Variants in DLG4 observed in about 807,000 individuals in gnomAD.
The protein encoded by DLG4 is discs large MAGUK scaffold protein 4.
In DLG4, 7 loss-of-function variants were observed where a neutral mutation model predicts 93.8. That is an observed-to-expected ratio of 0.07 (90% CI 0.04 to 0.14). DLG4 has a LOEUF of 0.14. Among genes scored for constraint, DLG4 ranks in the 10% least tolerant of loss-of-function variants. DLG4 has a pLI of 1.00. For missense variants in DLG4, 545 were observed against 992.9 expected (o/e 0.55, Z 6.06); for synonymous variants, 341 against 387.6 (o/e 0.88, Z 1.41).
chr17:7,188,482 C>T lies in DLG4; in HGVS notation c.*2226G>A, dbSNP rs909544536. 1.3e-5 allele frequency among the ~76,000 whole-genome samples: 2 copies of T among 152,080 alleles called. No homozygotes were observed. The highest frequency in any genetic ancestry group is 4.8e-5 in the African/African-American group (2 of 41,394). On this transcript the variant is annotated 3_prime_UTR_variant, in exon 20 of 20. Coordinates refer to ENST00000399506, the MANE Select transcript of DLG4 (RefSeq NM_001321075.3). The stretch of plus-strand genomic sequence containing the variant: ...CTGAGAATCAGAGAAAGGAATAGTA[C>T]CCCAGCAGGTGCCCCCAAAGGTTCA...
upstream of DLG4, chr17:7,218,305 T>C (rs771221064): frequency 1.2e-6 from 2 of 1,602,950 alleles, no homozygotes; most frequent in African/African-American, 1.3e-5. Context: ...AGAACTGAGT[T>C]ACCTCCCCAC....
Position 7,196,165 on chromosome 17 carries a change from C to G in DLG4, c.1301+55G>C. On this transcript the variant is annotated intron_variant, in intron 11 of 19. Transcript: ENST00000399506. The surrounding 1 kb of genome is among the most constrained non-coding windows in gnomAD (Gnocchi z 8.3). ...GAGCGGCTGAGGCCCGGGCCAGGCACAGAGTGCCCAGGAACGCAGAGGGGC... is the reference window on the plus strand; with the variant it reads ...GAGCGGCTGAGGCCCGGGCCAGGCAGAGAGTGCCCAGGAACGCAGAGGGGC... 3 of 1,409,656 alleles carry G rather than the reference C, an allele frequency of 2.1e-6. No homozygotes were observed. Among genetic ancestry groups the G allele is most frequent in the African/African-American group, 1.4e-5 (1 of 70,580 alleles). The allele number at this position is 1,409,656 out of a possible 1,614,324, so 87.3% of individuals were successfully genotyped here. A position where few individuals can be genotyped will look rare whatever the true frequency, so the allele number is the denominator to read the frequency against.
At position 7,198,908 on chromosome 17, in the gene DLG4, C is replaced by T. The variant is rs900006716; in HGVS notation, c.788-1856G>A. On this transcript the variant is annotated intron_variant, in intron 8 of 19. Transcript: ENST00000399506. ...GCACTCGCCTGTAATCCCAGCTACTCGGGAGGCTGAGGTGGGAGGATCGCT... is the reference window on the plus strand; with the variant it reads ...GCACTCGCCTGTAATCCCAGCTACTTGGGAGGCTGAGGTGGGAGGATCGCT... Among the ~76,000 whole-genome samples, 7 of 151,514 alleles carry T rather than the reference C, an allele frequency of 4.6e-5. No individual in the cohort carries two copies. In the South Asian group the frequency reaches 6.3e-4, roughly 14 times the overall value.
At position 7,203,155 on chromosome 17, in the gene DLG4, A is replaced by G. The variant is rs2070243942; in HGVS notation, c.642+38T>C. On this transcript the variant is annotated intron_variant, in intron 7 of 19. Transcript: ENST00000399506. This position sits in a 1 kb window ranked among gnomAD's most constrained non-coding sequence, Gnocchi z 7.2. ...CTGCCAGGGCTAGTAGGTGAGACCC[A>G]AATCTGGGCTAGAAAATGGGCTAGA... 1 of 1,572,302 alleles carries G rather than the reference A, an allele frequency of 6.4e-7. No individual in the cohort carries two copies. Among genetic ancestry groups the G allele is most frequent in the Non-Finnish European group, 8.7e-7 (1 of 1,151,112 alleles).
upstream of DLG4, chr17:7,219,750 G>A (rs1412170487): frequency 3.4e-6 from 5 of 1,455,720 alleles, no homozygotes; most frequent in African/African-American, 7.1e-5. Flanking sequence ...GGTCGGACGG[G>A]CGGGATTAAG....
chr17:7,191,449 A>C lies in DLG4; in HGVS notation c.1977-91T>G. On this transcript the variant is annotated intron_variant, in intron 18 of 19. Transcript: ENST00000399506. The surrounding 1 kb of genome is among the most constrained non-coding windows in gnomAD (Gnocchi z 6.6). Reference sequence around the variant, plus strand: ...ATCCAGGAATGTTAAGTATTCTTCTATTTGGAGCACATAGCAAAAAAAAAA... The same window carrying C: ...ATCCAGGAATGTTAAGTATTCTTCTCTTTGGAGCACATAGCAAAAAAAAAA... 1 of 1,023,598 alleles carries C rather than the reference A, an allele frequency of 9.8e-7. No homozygotes were observed. 63.4% of individuals were successfully genotyped at this position (1,023,598 alleles called of 1,614,324 possible). A position where few individuals can be genotyped will look rare whatever the true frequency, so the allele number is the denominator to read the frequency against.
At chr17:7,213,465 C>A (rs925782871) in intron 1 of DLG4, among the ~76,000 whole-genome samples, 5 of 152,072 alleles carry the variant, frequency 3.3e-5, no homozygotes, top group Non-Finnish European at 1.5e-5. Context: ...CCCAGAACAT[C>A]CCCTCCACGA....
upstream of DLG4, chr17:7,219,104 A>G: frequency 5.3e-6 from 3 of 562,878 alleles, no homozygotes; most frequent in Non-Finnish European, 3.1e-6. Context: ...AGAGGGCTCC[A>G]GCAGCTCAAA....
Position 7,190,638 on chromosome 17 carries a change from G to A in DLG4, c.*70C>T. On this transcript the variant is annotated 3_prime_UTR_variant, in exon 20 of 20. Coordinates refer to ENST00000399506, the MANE Select transcript of DLG4 (RefSeq NM_001321075.3). ...GAGGCCGGGGGGAGCCAAGGGCTTG[G>A]GCAATTCAGTCCAGACCAAGGGCCC... is the stretch of plus-strand genomic sequence containing the variant. 2 of 1,280,440 alleles carry A rather than the reference G, an allele frequency of 1.6e-6. No homozygotes were observed. Among genetic ancestry groups the A allele is most frequent in the Admixed American group, 3.4e-5 (2 of 59,230 alleles). 79.3% of individuals were successfully genotyped at this position (1,280,440 alleles called of 1,614,324 possible).
At chr17:7,219,670 T>G (rs2071088389), upstream of DLG4, 1 of 1,315,178 alleles carries the variant, frequency 7.6e-7, no homozygotes, top group Non-Finnish European at 9.8e-7. Context: ...TCCCTCTGGC[T>G]GCAGTGACTT....
rs1488090437 is a variant in DLG4 at position 7,190,429 on chromosome 17, G to T, written c.*279C>A. Reference sequence around the variant, plus strand: ...CGGTGGGTCTGTGTGTGCATTGGGGGCAGGTGGGGGCGGGGATCCTAAGGA... The same window carrying T: ...CGGTGGGTCTGTGTGTGCATTGGGGTCAGGTGGGGGCGGGGATCCTAAGGA... On this transcript the variant is annotated 3_prime_UTR_variant, in exon 20 of 20. Coordinates refer to ENST00000399506, the MANE Select transcript of DLG4 (RefSeq NM_001321075.3). The T allele has an allele frequency of 4.5e-6, 2 of 447,148 alleles. No homozygotes were observed. The highest frequency in any genetic ancestry group is 3.4e-5 in the Admixed American group (1 of 29,538). 27.7% of individuals were successfully genotyped at this position (447,148 alleles called of 1,614,324 possible). A position where few individuals can be genotyped will look rare whatever the true frequency, so the allele number is the denominator to read the frequency against.
chr17:7,219,283 G>A, upstream of DLG4: 1 of 592,640 alleles, frequency 1.7e-6, no homozygotes, highest in East Asian at 1.1e-4. Flanking sequence ...GGCCCGGGAG[G>A]AATCCATCTG....
In DLG4 at chr17:7,217,280, G is replaced by A; in HGVS notation, c.-133C>T. ...CAGGGGGGGCCAGGATGGGGGGAGGGGTGAGAGGGGAAGGAGGGGGTTGGA... is the reference window on the plus strand; with the variant it reads ...CAGGGGGGGCCAGGATGGGGGGAGGAGTGAGAGGGGAAGGAGGGGGTTGGA... On this transcript the variant is annotated 5_prime_UTR_variant, in exon 1 of 20. Coordinates refer to ENST00000399506, the MANE Select transcript of DLG4 (RefSeq NM_001321075.3). 8.4e-7 allele frequency: 1 copy of A among 1,184,056 alleles called. No homozygotes were observed. Among genetic ancestry groups the A allele is most frequent in the Non-Finnish European group, 1.1e-6 (1 of 929,942 alleles). The allele number at this position is 1,184,056 out of a possible 1,614,324, so 73.3% of individuals were successfully genotyped here. A position where few individuals can be genotyped will look rare whatever the true frequency, so the allele number is the denominator to read the frequency against.
rs1019780370 is a variant in DLG4 at position 7,189,429 on chromosome 17, C to T, written c.*1279G>A. 6.6e-6 allele frequency among the ~76,000 whole-genome samples: 1 copy of T among 151,326 alleles called. No individual in the cohort carries two copies. The highest frequency in any genetic ancestry group is 1.9e-4 in the East Asian group (1 of 5,152). On this transcript the variant is annotated 3_prime_UTR_variant, in exon 20 of 20. Coordinates refer to ENST00000399506, the MANE Select transcript of DLG4 (RefSeq NM_001321075.3). ...ACTTGAACCAGGGTGGCAGAGATCA[C>T]AGTGAGCCGAGATCGAGCCACTGCA...
rs1207013414 is a variant in DLG4 at position 7,209,095 on chromosome 17, T to C, written c.31-856A>G. On this transcript the variant is annotated intron_variant, in intron 1 of 19. Coordinates refer to ENST00000399506, the MANE Select transcript of DLG4 (RefSeq NM_001321075.3). ...CAAGAATGGGTGCCAGCCTCCCTGG[T>C]TGGGGAGGAGGGTAGCATGCTGAGC... Among the ~76,000 whole-genome samples the C allele has an allele frequency of 8.6e-5, 13 of 152,004 alleles. No homozygotes were observed. In the Middle Eastern group the frequency reaches 0.01, roughly 119 times the overall value.
In DLG4 at chr17:7,202,731, T is replaced by C. The variant is rs2070210919; in HGVS notation, c.787+172A>G. 5 of 863,020 alleles carry C rather than the reference T, an allele frequency of 5.8e-6. 1 individual carries two copies. The highest frequency in any genetic ancestry group is 5.8e-5 in the Admixed American group (2 of 34,222). 53.5% of individuals were successfully genotyped at this position (863,020 alleles called of 1,614,324 possible). On this transcript the variant is annotated intron_variant, in intron 8 of 19. Coordinates refer to ENST00000399506, the MANE Select transcript of DLG4 (RefSeq NM_001321075.3). ...GATCGTTGACGATCTTTTCTAGTTC[T>C]TTTATGGTAATTGATTTTCCATCTC...
At chr17:7,204,414 C>T in intron 2 of DLG4, 162 bp from the exon 3 acceptor site, 1 of 645,718 alleles carries the variant, frequency 1.5e-6, no homozygotes, top group South Asian at 2.0e-5. Flanking sequence ...CCACATCACA[C>T]ACACGCACAC....
rs779715237 is a variant in DLG4, at chr17:7,203,310, T to G, written c.525A>C (p.Ala175=). ...KGPKGLGFSI[A]GGVGNQHIPG... ...GGATGTGCTGGTTCCCTACGCCCCC[T>G]GCGATGCTGAAGCCAAGACCTGGAT... The change falls in exon 7 of 20, where the codon GCA becomes GCC. Residue 175 remains alanine (A), a synonymous_variant. Coordinates refer to ENST00000399506, the MANE Select transcript of DLG4 (RefSeq NM_001321075.3). This position sits in a 1 kb window ranked among gnomAD's most constrained non-coding sequence, Gnocchi z 7.2. 4 of 1,603,944 alleles carry G rather than the reference T, an allele frequency of 2.5e-6. No homozygotes were observed. Among genetic ancestry groups the G allele is most frequent in the Non-Finnish European group, 8.5e-7 (1 of 1,171,906 alleles).
chr17:7,194,202 C>G lies in DLG4; in HGVS notation c.1478+117G>C. On this transcript the variant is annotated intron_variant, in intron 12 of 19. Coordinates refer to ENST00000399506, the MANE Select transcript of DLG4 (RefSeq NM_001321075.3). This position sits in a 1 kb window ranked among gnomAD's most constrained non-coding sequence, Gnocchi z 4.4. ...AGCCACGGACCCCAGGAGGGCCCAA[C>G]AGACAAACCCCTAGGAGTTCAGAGG... 2 of 1,416,496 alleles carry G rather than the reference C, an allele frequency of 1.4e-6. No homozygotes were observed. The highest frequency in any genetic ancestry group is 1.9e-6 in the Non-Finnish European group (2 of 1,055,236). 87.7% of individuals were successfully genotyped at this position (1,416,496 alleles called of 1,614,324 possible). A position where few individuals can be genotyped will look rare whatever the true frequency, so the allele number is the denominator to read the frequency against.
Sources: allele counts gnomAD v4.1 joint callset (sites outside exome capture counted in the v4.1 genomes callset), GRCh38; gene constraint gnomAD v4.1.1; non-coding constraint Gnocchi (gnomAD v3.1); transcripts MANE v1.5; gene names NCBI Gene and HGNC (gene_info 2026-07-23, HGNC 2026-07-21).